TNIK: variants seen among roughly 807,000 people sequenced by gnomAD.
TNIK encodes the protein TRAF2 and NCK interacting kinase.
In TNIK, 49 loss-of-function variants were observed where a neutral mutation model predicts 191.3. The ratio of observed to expected loss-of-function variants is 0.26; its 90% confidence interval spans 0.20 to 0.32. The LOEUF (loss-of-function observed/expected upper bound fraction) is 0.32. TNIK is among the 10% of genes least tolerant of loss of function. The pLI is 1.00. For synonymous variants in TNIK, 594 were observed against 600.9 expected, an observed-to-expected ratio of 0.99 and a Z score of 0.17; for missense variants, 1,155 against 1,702.3, an observed-to-expected ratio of 0.68 and a Z score of 5.66.
intron 7 of TNIK, among the ~76,000 whole-genome samples, chr3:171,182,785 G>C (rs1736828820): frequency 6.6e-6 from 1 of 152,174 alleles, no homozygotes; most frequent in Admixed American, 6.5e-5. Flanking sequence ...ACCAGCCACA[G>C]AAGAATGAGA....
intron 2 of TNIK, among the ~76,000 whole-genome samples, chr3:171,300,905 A>G (rs1048656737): frequency 6.6e-6 from 1 of 152,150 alleles, no homozygotes; most frequent in Non-Finnish European, 1.5e-5. Flanking sequence ...TTAGTGTTCA[A>G]TTAAAAGGCT....
At chr3:171,202,142 G>A (rs1206593294) in intron 4 of TNIK, among the ~76,000 whole-genome samples, 2 of 152,100 alleles carry the variant, frequency 1.3e-5, no homozygotes, top group East Asian at 3.9e-4. Context: ...ACGGACATTA[G>A]CTGCATCTTG....
rs76015585 is a variant in TNIK, at chr3:171,232,690, T to C, written c.124-4469A>G. 2.8e-4 allele frequency among the ~76,000 whole-genome samples: 43 copies of C among 152,294 alleles called. No homozygotes were observed. The East Asian group carries it at 7.5e-3, about 27-fold the overall frequency. ...GCATCAAAACAAGGGAGGCAGAGCCTTGGGGTCACGGCTCAGCCTGGTCCT... is the reference window on the plus strand; with the variant it reads ...GCATCAAAACAAGGGAGGCAGAGCCCTGGGGTCACGGCTCAGCCTGGTCCT... On this transcript the variant is annotated intron_variant, in intron 2 of 32. Coordinates refer to ENST00000436636, the MANE Select transcript of TNIK (RefSeq NM_015028.4).
chr3:171,358,147 A>G (rs916334044), intron 2 of TNIK, among the ~76,000 whole-genome samples: 1 of 152,222 alleles, frequency 6.6e-6, no homozygotes, highest in African/African-American at 2.4e-5. Flanking sequence ...TAGTTGATAC[A>G]TTTAAGGTAA....
intron 2 of TNIK, among the ~76,000 whole-genome samples, chr3:171,280,982 G>A (rs7646338): frequency 0.1 from 15,471 of 152,188 alleles, 1,041 homozygotes; most frequent in South Asian, 0.25. Flanking sequence ...GGAACCTACT[G>A]AATAAACAGT....
At chr3:171,231,317 G>GTTTTTTTTTTTTTTT (rs569192908) in intron 2 of TNIK, among the ~76,000 whole-genome samples, 1 of 139,934 alleles carries the variant, frequency 7.1e-6, no homozygotes, top group African/African-American at 2.7e-5. Flanking sequence ...TTGTTGTTTT[G>GTTTTTTTTTTTTTTT]TTTTTTTTTT....
At chr3:171,374,233 C>T (rs747450806) in intron 1 of TNIK, among the ~76,000 whole-genome samples, 12 of 152,140 alleles carry the variant, frequency 7.9e-5, no homozygotes, top group Admixed American at 3.3e-4. Flanking sequence ...CCTCCTTACC[C>T]CAATCCCAAA....
intron 14 of TNIK, 55 bp downstream of exon 14, chr3:171,139,403 CACACACACACAA>C (rs2108629108): frequency 5.6e-6 from 8 of 1,421,382 alleles, no homozygotes; most frequent in South Asian, 1.2e-5. Flanking sequence ...CACACACACA[CACACACACACAA>C]ACACTTGCAA....
chr3:171,449,425 T>C (rs917758608), intron 1 of TNIK, among the ~76,000 whole-genome samples: 3 of 152,254 alleles, frequency 2.0e-5, no homozygotes, highest in Non-Finnish European at 2.9e-5. Flanking sequence ...TTTCCTGTAA[T>C]CTGTCTACCT....
chr3:171,267,083 T>A (rs1748490242), intron 2 of TNIK, among the ~76,000 whole-genome samples: 1 of 152,226 alleles, frequency 6.6e-6, no homozygotes, highest in Admixed American at 6.5e-5. Flanking sequence ...AGGATGCATT[T>A]AACTTTTTTA....
intron 3 of TNIK, among the ~76,000 whole-genome samples, chr3:171,218,888 TTA>T (rs36173960): frequency 1.9e-5 from 2 of 105,774 alleles, no homozygotes; most frequent in East Asian, 7.6e-4. Flanking sequence ...TTTTTATATA[TTA>T]TATATTTACA....
At chr3:171,440,140 T>G (rs1270651466) in intron 1 of TNIK, among the ~76,000 whole-genome samples, 1 of 152,216 alleles carries the variant, frequency 6.6e-6, no homozygotes, top group Non-Finnish European at 1.5e-5. Context: ...CACCCAGTTC[T>G]GCAGACTCTT....
intron 3 of TNIK, among the ~76,000 whole-genome samples, chr3:171,227,689 A>G (rs971506774): frequency 6.6e-6 from 1 of 152,192 alleles, no homozygotes; most frequent in Non-Finnish European, 1.5e-5. Flanking sequence ...GGGGAAAGAT[A>G]TTAGATATTT....
intron 1 of TNIK, among the ~76,000 whole-genome samples, chr3:171,424,082 C>T (rs1405227363): frequency 1.3e-5 from 2 of 152,172 alleles, no homozygotes; most frequent in Admixed American, 6.5e-5. Context: ...GCAATCTACT[C>T]ATCTGACAAA....
intron 2 of TNIK, among the ~76,000 whole-genome samples, chr3:171,261,282 A>G (rs964881052): frequency 6.6e-6 from 1 of 152,140 alleles, no homozygotes; most frequent in South Asian, 2.1e-4. Context: ...TTTTTTGCTT[A>G]GTAAACAGAC....
In TNIK at chr3:171,238,315, A is replaced by T. The variant is rs540768831; in HGVS notation, c.124-10094T>A. On this transcript the variant is annotated intron_variant, in intron 2 of 32. Transcript: ENST00000436636. ...GGGGACAGAGTGAGATCCTATCTCT[A>T]AAAAAAAAAAAATTAAAAATGATAA... Among the ~76,000 whole-genome samples the T allele has an allele frequency of 1.5e-3, 220 of 145,036 alleles. 1 individual carries two copies. Among genetic ancestry groups the T allele is most frequent in the African/African-American group, 5.2e-3 (208 of 39,934 alleles).
At chr3:171,411,850 A>G (rs1047053964) in intron 1 of TNIK, among the ~76,000 whole-genome samples, 1 of 152,228 alleles carries the variant, frequency 6.6e-6, no homozygotes, top group African/African-American at 2.4e-5. Context: ...GTTAATGAAT[A>G]TCTCTGGTGT....
chr3:171,402,129 G>T (rs1721027187), intron 1 of TNIK, among the ~76,000 whole-genome samples: 1 of 152,182 alleles, frequency 6.6e-6, no homozygotes, highest in Non-Finnish European at 1.5e-5. Flanking sequence ...TTGCAATAAT[G>T]ACTAACGATA....
intron 7 of TNIK, among the ~76,000 whole-genome samples, chr3:171,178,790 G>A (rs1010502993): frequency 1.3e-5 from 2 of 152,160 alleles, no homozygotes; most frequent in African/African-American, 4.8e-5. Flanking sequence ...TTTCAAAATT[G>A]TCTCAGATTA....
Sources: allele counts gnomAD v4.1 joint callset (sites outside exome capture counted in the v4.1 genomes callset), GRCh38; gene constraint gnomAD v4.1.1; transcripts MANE v1.5; gene names NCBI Gene and HGNC (gene_info 2026-07-23, HGNC 2026-07-21).